Variants in PCDHGA7 observed in about 807,000 individuals in gnomAD.
PCDHGA7 encodes protocadherin gamma subfamily A, 7, also known as protocadherin gamma-A7.
PCDHGA7 carries 44 observed loss-of-function variants against 58.3 expected under a neutral mutation model. The observed-to-expected ratio is 0.75, with a 90% CI of 0.59 to 0.97. PCDHGA7 has a LOEUF of 0.97. PCDHGA7 is among the 50% of genes least tolerant of loss of function. The pLI is 0.00. For synonymous variants in PCDHGA7, 516 were observed against 504.2 expected, an observed-to-expected ratio of 1.02 and a Z score of -0.31; for missense variants, 1,266 against 1,188.7, an observed-to-expected ratio of 1.06 and a Z score of -0.96.
chr5:141,506,444 CAAAAAA>C (rs1219684339), intron 3 of PCDHGA7, among the ~76,000 whole-genome samples: 1 of 95,026 alleles, frequency 1.1e-5, no homozygotes, highest in African/African-American at 4.0e-5. Flanking sequence ...CGCTCTGTCT[CAAAAAA>C]AAAAAAAAAA....
In PCDHGA7 at chr5:141,383,337, A is replaced by G. The variant is rs1185721914; in HGVS notation, c.438A>G (p.Thr146=). Residue 146 remains threonine (T), a synonymous_variant, in exon 1 of 4, where the codon ACA becomes ACG. Transcript: ENST00000518325. ...EEINVKIMEN[T]APGVRFPLSE... ...TAAATGTAAAAATAATGGAGAATAC[A>G]GCTCCTGGGGTTCGGTTTCCGTTAA... The G allele has an allele frequency of 6.2e-7, 1 of 1,614,066 alleles. No homozygotes were observed. The highest frequency in any genetic ancestry group is 2.2e-5 in the East Asian group (1 of 44,890).
At position 141,485,464 on chromosome 5, in the gene PCDHGA7, G is replaced by A. The variant is rs2099614016; in HGVS notation, c.2425-9343G>A. ...CAATCGACCGAGAGGCACTGTGTGG[G>A]CTCAGTGCCAGCTGCATCGTGCCCC... is the stretch of plus-strand genomic sequence containing the variant. On this transcript the variant is annotated intron_variant, in intron 1 of 3. Coordinates refer to ENST00000518325, the MANE Select transcript of PCDHGA7 (RefSeq NM_018920.4). The surrounding 1 kb of genome is among the most constrained non-coding windows in gnomAD (Gnocchi z 5.7). 6.2e-7 allele frequency: 1 copy of A among 1,614,106 alleles called. No homozygotes were observed. The highest frequency in any genetic ancestry group is 8.5e-7 in the Non-Finnish European group (1 of 1,179,958).
At position 141,383,255 on chromosome 5, in the gene PCDHGA7, T is replaced by C. The variant is rs772221697; in HGVS notation, c.356T>C (p.Ile119Thr). The change falls in exon 1 of 4, where the codon ATA (isoleucine) becomes ACA (threonine). Residue 119 changes from isoleucine (I) to threonine (T), a missense_variant. Coordinates refer to ENST00000518325, the MANE Select transcript of PCDHGA7 (RefSeq NM_018920.4). Reference sequence around the variant, plus strand: ...GAAGATAAAATGAATCTTTACCCTATAGACGTGGAAATAATAGATATTAAT... The same window carrying C: ...GAAGATAAAATGAATCTTTACCCTACAGACGTGGAAATAATAGATATTAAT... ...LMEDKMNLYP[I>T]DVEIIDINDN... 2.0e-5 allele frequency: 32 copies of C among 1,613,816 alleles called. No homozygotes were observed. The highest frequency in any genetic ancestry group is 2.7e-5 in the African/African-American group (2 of 74,944).
intron 1 of PCDHGA7, among the ~76,000 whole-genome samples, chr5:141,464,203 T>G (rs2099077714): frequency 6.6e-6 from 1 of 150,780 alleles, no homozygotes; most frequent in South Asian, 2.1e-4. Flanking sequence ...AGGCGGAGAT[T>G]GCAGTGAGCT....
At chr5:141,389,364 C>CT (rs963046088) in intron 1 of PCDHGA7, 1 of 1,613,736 alleles carries the variant, frequency 6.2e-7, no homozygotes, top group African/African-American at 1.3e-5. Context: ...GGCCAGTGAC[C>CT]TGGAGCAGCG....
At chr5:141,387,920 G>A in intron 1 of PCDHGA7, 12 of 1,481,924 alleles carry the variant, frequency 8.1e-6, no homozygotes, top group Non-Finnish European at 1.1e-5. Context: ...GCCGGGCTGA[G>A]AGGCTGCCAG....
At chr5:141,422,144 G>T in intron 1 of PCDHGA7, 1 of 1,583,520 alleles carries the variant, frequency 6.3e-7, no homozygotes, top group Non-Finnish European at 8.5e-7. Context: ...CAAGTACGGG[G>T]GTCTCTGGAT....
intron 1 of PCDHGA7, chr5:141,410,113 A>G (rs760617436): frequency 3.4e-5 from 55 of 1,612,436 alleles, no homozygotes; most frequent in Non-Finnish European, 4.6e-5. Flanking sequence ...ACAGGGACGC[A>G]GCCCGCCAGC....
At chr5:141,461,819 A>T (rs573339238) in intron 1 of PCDHGA7, among the ~76,000 whole-genome samples, 68 of 149,282 alleles carry the variant, frequency 4.6e-4, no homozygotes, top group Non-Finnish European at 9.5e-4. Flanking sequence ...ACACCCAGCT[A>T]ATTTTTTTTT....
At chr5:141,480,910 T>C (rs985100480) in intron 1 of PCDHGA7, among the ~76,000 whole-genome samples, 5 of 152,106 alleles carry the variant, frequency 3.3e-5, no homozygotes, top group Non-Finnish European at 7.4e-5. Flanking sequence ...CTGGGCATGG[T>C]GGCGCATACC....
intron 1 of PCDHGA7, chr5:141,388,295 C>A (rs766909730): frequency 8.1e-6 from 13 of 1,613,442 alleles, no homozygotes; most frequent in Non-Finnish European, 1.1e-5. Flanking sequence ...CGCAAAATTC[C>A]TTTGAGCTGC....
chr5:141,421,532 C>T lies in PCDHGA7; in HGVS notation c.2424+36209C>T, dbSNP rs557991200. On this transcript the variant is annotated intron_variant, in intron 1 of 3. Transcript: ENST00000518325. ...GAGGAGCTCTGTGAGACGGTGTCCT[C>T]CTGTTTTTTAAATATGGAACTTCTC... The T allele has an allele frequency of 1.4e-5, 23 of 1,613,996 alleles. No individual in the cohort carries two copies. In the African/African-American group the frequency reaches 2.4e-4, roughly 17 times the overall value.
Position 141,431,145 on chromosome 5 carries a change from A to G in PCDHGA7, c.2424+45822A>G. The G allele has an allele frequency of 1.2e-6, 2 of 1,614,244 alleles. No homozygotes were observed. Among genetic ancestry groups the G allele is most frequent in the Non-Finnish European group, 1.7e-6 (2 of 1,180,042 alleles). On this transcript the variant is annotated intron_variant, in intron 1 of 3. Transcript: ENST00000518325. The surrounding 1 kb of genome is among the most constrained non-coding windows in gnomAD (Gnocchi z 4.8). ...GTAGAAGTAAGGGACATTAACGACA[A>G]TGCGCCTTACTTTCGTGAAAGTGAA... is the stretch of plus-strand genomic sequence containing the variant.
Position 141,383,201 on chromosome 5 carries a change from G to C in PCDHGA7, c.302G>C (p.Arg101Pro). The C allele has an allele frequency of 1.9e-6, 3 of 1,614,000 alleles. No homozygotes were observed. Among genetic ancestry groups the C allele is most frequent in the Non-Finnish European group, 2.5e-6 (3 of 1,179,934 alleles). Residue 101 changes from arginine (R) to proline (P), a missense_variant, in exon 1 of 4, where the codon CGG becomes CCG. Physicochemically the swap from Arg to Pro is moderately radical, Grantham distance 103 (BLOSUM62 -2). Coordinates refer to ENST00000518325, the MANE Select transcript of PCDHGA7 (RefSeq NM_018920.4). ...GAAGAGATCTGCGCTCAGAGTGCGC[G>C]GTGTCTGGTAAACTTTAACATCCTG... ...DREEICAQSARCLVNFNILME... is the reference protein window; with the variant it reads ...DREEICAQSAPCLVNFNILME...
At chr5:141,430,782 G>A (rs1220976669) in intron 1 of PCDHGA7, 2 of 1,510,858 alleles carry the variant, frequency 1.3e-6, no homozygotes, top group Non-Finnish European at 1.8e-6. Flanking sequence ...CGACTGCACC[G>A]GGACTACAAA....
chr5:141,425,979 A>T lies in PCDHGA7; in HGVS notation c.2424+40656A>T, dbSNP rs114212354. ...GTCCAACACATCAGTCTAATTCTGA[A>T]TCCCATTGAATTAGCAAAGGCTTCC... On this transcript the variant is annotated intron_variant, in intron 1 of 3. Coordinates refer to ENST00000518325, the MANE Select transcript of PCDHGA7 (RefSeq NM_018920.4). Among the ~76,000 whole-genome samples, 592 of 152,328 alleles carry T rather than the reference A, an allele frequency of 3.9e-3. 5 individuals carry two copies. Among genetic ancestry groups the T allele is most frequent in the African/African-American group, 0.014 (563 of 41,580 alleles).
At chr5:141,388,655 G>A (rs375260597) in intron 1 of PCDHGA7, 1 of 1,613,808 alleles carries the variant, frequency 6.2e-7, no homozygotes, top group Non-Finnish European at 8.5e-7. Flanking sequence ...ACGTGTACCC[G>A]GGGACCACGG....
intron 1 of PCDHGA7, among the ~76,000 whole-genome samples, chr5:141,469,667 T>C (rs62379201): frequency 0.22 from 32,952 of 152,218 alleles, 3,707 homozygotes; most frequent in African/African-American, 0.28. Flanking sequence ...CTTGTTCTAA[T>C]AAAACTACAT....
chr5:141,423,569 T>A, intron 1 of PCDHGA7: 2 of 1,613,480 alleles, frequency 1.2e-6, no homozygotes, highest in Non-Finnish European at 1.7e-6. Context: ...GACACGCTCA[T>A]CAGCCAGGAG....
Sources: allele counts gnomAD v4.1 joint callset (sites outside exome capture counted in the v4.1 genomes callset), GRCh38; gene constraint gnomAD v4.1.1; non-coding constraint Gnocchi (gnomAD v3.1); transcripts MANE v1.5; gene names NCBI Gene and HGNC (gene_info 2026-07-23, HGNC 2026-07-21).